The following ZBTB40 variants were observed in gnomAD, a reference collection of about 807,000 sequenced individuals.
ZBTB40 encodes zinc finger and BTB domain containing 40, also known as zinc finger and BTB domain-containing protein 40.
ZBTB40 carries 60 observed loss-of-function variants against 117.5 expected under a neutral mutation model. That is an observed-to-expected ratio of 0.51 (90% CI 0.41 to 0.63). The LOEUF is 0.63. Among genes scored for constraint, ZBTB40 ranks in the 30% least tolerant of loss-of-function variants. ZBTB40 has a pLI of 0.00. For synonymous variants in ZBTB40, 525 were observed against 577.1 expected (o/e 0.91, Z 1.29); for missense variants, 1,287 against 1,498.5 (o/e 0.86, Z 2.33).
At chr1:22,448,998 T>C (rs1640822637), upstream of ZBTB40, among the ~76,000 whole-genome samples, 1 of 152,016 alleles carries the variant, frequency 6.6e-6, no homozygotes, top group African/African-American at 2.4e-5. Context: ...GTATTTTTAG[T>C]AGAGATGGGG....
chr1:22,504,344 G>A (rs1293976224), intron 5 of ZBTB40, among the ~76,000 whole-genome samples: 1 of 152,132 alleles, frequency 6.6e-6, no homozygotes, highest in Non-Finnish European at 1.5e-5. Context: ...AGAAAAAAAA[G>A]GTAATTACTA....
intron 1 of ZBTB40, among the ~76,000 whole-genome samples, chr1:22,456,305 G>T (rs1641003136): frequency 6.6e-6 from 1 of 152,146 alleles, no homozygotes; most frequent in African/African-American, 2.4e-5. Context: ...AAGAAAGCCA[G>T]CTTTCCTTAC....
chr1:22,525,530 G>A (rs753752324), intron 17 of ZBTB40, among the ~76,000 whole-genome samples: 76 of 152,248 alleles, frequency 5.0e-4, no homozygotes, highest in Non-Finnish European at 7.1e-4. Flanking sequence ...GGAGGCTTAG[G>A]CGGGAATTGG....
intron 1 of ZBTB40, among the ~76,000 whole-genome samples, chr1:22,475,391 C>T (rs1023923964): frequency 2.0e-5 from 3 of 152,196 alleles, no homozygotes; most frequent in African/African-American, 7.2e-5. Flanking sequence ...CTACCTCTGG[C>T]CATCCCAGTG....
At chr1:22,429,597 T>C (rs1432134664) in intron 1 of ZBTB40, among the ~76,000 whole-genome samples, 1 of 152,210 alleles carries the variant, frequency 6.6e-6, no homozygotes, top group Non-Finnish European at 1.5e-5. Flanking sequence ...GCCACTATTA[T>C]ATACCGGGTT....
At chr1:22,507,284 T>C (rs1029822661) in intron 6 of ZBTB40, among the ~76,000 whole-genome samples, 1 of 152,212 alleles carries the variant, frequency 6.6e-6, no homozygotes, top group Non-Finnish European at 1.5e-5. Context: ...GTATAATACA[T>C]GTAAAACATT....
intron 1 of ZBTB40, among the ~76,000 whole-genome samples, chr1:22,432,256 G>A (rs1640602045): frequency 6.6e-6 from 1 of 152,154 alleles, no homozygotes; most frequent in Non-Finnish European, 1.5e-5. Flanking sequence ...GAAATATAGT[G>A]ATAGATACAC....
intron 5 of ZBTB40, among the ~76,000 whole-genome samples, chr1:22,502,727 A>G (rs1638974913): frequency 6.6e-6 from 1 of 152,116 alleles, no homozygotes; most frequent in Non-Finnish European, 1.5e-5. Context: ...GGATGGACGG[A>G]CGGACGGATG....
At chr1:22,455,106 G>A (rs1353539486) in intron 1 of ZBTB40, among the ~76,000 whole-genome samples, 1 of 152,158 alleles carries the variant, frequency 6.6e-6, no homozygotes, top group East Asian at 1.9e-4. Flanking sequence ...TGTCTATGCA[G>A]AACACTTTTC....
intron 9 of ZBTB40, among the ~76,000 whole-genome samples, chr1:22,509,449 C>T (rs546605627): frequency 5.3e-5 from 8 of 152,148 alleles, no homozygotes; most frequent in South Asian, 2.1e-4. Context: ...CGGGTTCAAG[C>T]GATTCTCCTG....
chr1:22,445,854 C>CA (rs139091527), intron 1 of ZBTB40, among the ~76,000 whole-genome samples: 14 of 109,258 alleles, frequency 1.3e-4, no homozygotes, highest in African/African-American at 3.0e-4. Context: ...GACTCCGTCT[C>CA]AAAAAAAAAA....
chr1:22,521,168 T>C (rs991791162), intron 14 of ZBTB40, among the ~76,000 whole-genome samples: 3 of 152,214 alleles, frequency 2.0e-5, no homozygotes, highest in East Asian at 3.9e-4. Flanking sequence ...CCTGATGTTA[T>C]GATTAGTCAT....
chr1:22,452,938 G>T (rs1481875017), intron 1 of ZBTB40: 1 of 152,268 alleles, frequency 6.6e-6, no homozygotes. Flanking sequence ...TTATGACGAC[G>T]CTTTATAAGT....
intron 1 of ZBTB40, among the ~76,000 whole-genome samples, chr1:22,465,272 C>T (rs971835522): frequency 2.0e-5 from 3 of 152,092 alleles, no homozygotes; most frequent in Admixed American, 6.5e-5. Flanking sequence ...CTCCTCTCTG[C>T]GGGCAGGTCA....
Position 22,431,394 on chromosome 1 carries a change from A to ATG in ZBTB40, c.-70+2381_-70+2382insGT, listed in dbSNP as rs1463176318. Among the ~76,000 whole-genome samples, 143 of 136,924 alleles carry ATG rather than the reference A, an allele frequency of 1.0e-3. 3 individuals carry two copies. The East Asian group carries it at 0.026, about 25-fold the overall frequency. The allele number at this position is 136,924 out of a possible 152,430, so 89.8% of individuals were successfully genotyped here. The stretch of plus-strand genomic sequence containing the variant: ...TGTGTGTGTGTGTGTGTATATATAT[A>ATG]TATATATATATATATGTATATATAG... On this transcript the variant is annotated intron_variant, in intron 1 of 8. Transcript: ENST00000650433.
At chr1:22,506,796 A>G (rs149221904) in intron 6 of ZBTB40, among the ~76,000 whole-genome samples, 142 of 152,332 alleles carry the variant, frequency 9.3e-4, no homozygotes, top group African/African-American at 2.6e-3. Context: ...ATTTGTTCCT[A>G]GCCTATAAAA....
At chr1:22,491,336 A>C in intron 2 of ZBTB40, 64 bp from the exon 3 acceptor site, 1 of 1,585,674 alleles carries the variant, frequency 6.3e-7, no homozygotes, top group East Asian at 2.2e-5. Context: ...CAGACAGCTT[A>C]AACTTGTAAA....
chr1:22,485,383 T>A (rs945392064), intron 1 of ZBTB40, among the ~76,000 whole-genome samples: 1 of 152,212 alleles, frequency 6.6e-6, no homozygotes, highest in Middle Eastern at 3.2e-3. Flanking sequence ...ATTGCATCGT[T>A]CAAGGAATTG....
chr1:22,448,881 C>A (rs895050136), upstream of ZBTB40, among the ~76,000 whole-genome samples: 1 of 151,564 alleles, frequency 6.6e-6, no homozygotes, highest in Non-Finnish European at 1.5e-5. Context: ...GGCGTGATTT[C>A]GGCTCACTGC....
Sources: gnomAD v4.1 joint callset for allele counts (sites outside exome capture counted in the v4.1 genomes callset) on GRCh38, gnomAD v4.1.1 for gene constraint, MANE v1.5 for transcripts, NCBI Gene and HGNC (gene_info 2026-07-23, HGNC 2026-07-21) for gene names.